ENOPH1: variants seen among roughly 807,000 people sequenced by gnomAD.
ENOPH1 encodes enolase-phosphatase E1.
Under a neutral mutation model 31.1 loss-of-function variants are expected in ENOPH1, and 14 were observed. The ratio of observed to expected loss-of-function variants is 0.45; its 90% CI spans 0.30 to 0.70. ENOPH1 has a LOEUF of 0.70. Among genes scored for constraint, ENOPH1 ranks in the 30% least tolerant of loss-of-function variants. ENOPH1 has a pLI of 0.09. For synonymous variants in ENOPH1, 127 were observed against 123.2 expected (o/e 1.03, Z -0.21); for missense variants, 243 against 321.5 (o/e 0.76, Z 1.87).
At chr4:82,446,007 G>T (rs1271347999) in intron 1 of ENOPH1, among the ~76,000 whole-genome samples, 1 of 152,194 alleles carries the variant, frequency 6.6e-6, no homozygotes, top group Non-Finnish European at 1.5e-5. Context: ...TCTCAGGAAA[G>T]TTGAATGAAT....
chr4:82,457,575 T>G (rs1434346803), intron 5 of ENOPH1, among the ~76,000 whole-genome samples: 2 of 152,098 alleles, frequency 1.3e-5, no homozygotes, highest in Admixed American at 1.3e-4. Flanking sequence ...GACTAACTCT[T>G]CTCGTTTAAC....
At position 82,454,791 on chromosome 4, in the gene ENOPH1, C is replaced by T. The variant is rs1402085948; in HGVS notation, c.459C>T (p.Ser153=). ...CCGGAATGAAGGTGTACATCTATTC[C>T]TCAGGGAGTGTGGAGGCACAGAAAC... ...REAGMKVYIY[S]SGSVEAQKLL... The change falls in exon 4 of 6, where the codon TCC becomes TCT. Residue 153 remains serine, a synonymous_variant. Transcript: ENST00000273920. The T allele has an allele frequency of 8.1e-6, 13 of 1,613,880 alleles. No individual in the cohort carries two copies. Among genetic ancestry groups the T allele is most frequent in the Non-Finnish European group, 1.1e-5 (13 of 1,179,994 alleles).
intron 3 of ENOPH1, among the ~76,000 whole-genome samples, chr4:82,452,793 T>A (rs1238717567): frequency 1.3e-5 from 2 of 151,052 alleles, no homozygotes; most frequent in African/African-American, 2.4e-5. Context: ...TATCATGTTG[T>A]CCAGGCTGGT....
In ENOPH1 at chr4:82,460,105, G is replaced by A; in HGVS notation, c.771G>A (p.Leu257=). 1.2e-6 allele frequency: 2 copies of A among 1,614,198 alleles called. No homozygotes were observed. The highest frequency in any genetic ancestry group is 1.7e-6 in the Non-Finnish European group (2 of 1,180,028). ...SLITSFSELY[L]PSST is the part of the protein sequence containing the mutation. ...TCACATCCTTCAGTGAACTATACCT[G>A]CCTTCCTCAACCTAGAGAAGGGTTG... The change falls in exon 6 of 6, where the codon CTG becomes CTA. Residue 257 remains leucine (L), a synonymous_variant. Coordinates refer to ENST00000273920, the MANE Select transcript of ENOPH1 (RefSeq NM_021204.5).
rs563441776 is a variant in ENOPH1, at chr4:82,434,349, C to T, written c.84+3436C>T. Among the ~76,000 whole-genome samples, 5 of 152,146 alleles carry T rather than the reference C, an allele frequency of 3.3e-5. No individual in the cohort carries two copies. In the East Asian group the frequency reaches 5.8e-4, roughly 18 times the overall value. ...ATGTAATCCCAGCACTTTGGGACGC[C>T]GAAGCAGGTGGATCTCTTGAGGTCA... On this transcript the variant is annotated intron_variant, in intron 1 of 5. Coordinates refer to ENST00000273920, the MANE Select transcript of ENOPH1 (RefSeq NM_021204.5).
chr4:82,439,924 G>A (rs1393919983), intron 1 of ENOPH1, among the ~76,000 whole-genome samples: 1 of 152,146 alleles, frequency 6.6e-6, no homozygotes, highest in Non-Finnish European at 1.5e-5. Context: ...ATGTGGAGAT[G>A]TAGGGGGAGG....
chr4:82,452,584 C>A (rs1037568122), intron 3 of ENOPH1, among the ~76,000 whole-genome samples: 4 of 151,998 alleles, frequency 2.6e-5, no homozygotes, highest in African/African-American at 9.7e-5. Context: ...TGAGCCACCC[C>A]TCCCGGCCTA....
chr4:82,454,884 G>A (rs1722443354), intron 4 of ENOPH1, 30 bp downstream of exon 4: 2 of 1,596,672 alleles, frequency 1.3e-6, no homozygotes, highest in South Asian at 1.1e-5. Flanking sequence ...TTGTTGTTTT[G>A]ACGCTATCAA....
intron 1 of ENOPH1, among the ~76,000 whole-genome samples, chr4:82,444,018 G>A (rs1054375264): frequency 2.6e-5 from 4 of 152,032 alleles, no homozygotes; most frequent in Non-Finnish European, 5.9e-5. Context: ...GGGATTACAG[G>A]CTCGCGCCAC....
rs1314497200 is a variant in ENOPH1 at position 82,431,847 on chromosome 4, A to G, written c.84+934A>G. 1.5e-4 allele frequency among the ~76,000 whole-genome samples: 23 copies of G among 152,192 alleles called. 1 individual carries two copies. Among genetic ancestry groups the G allele is most frequent in the Non-Finnish European group, 4.4e-5 (3 of 68,038 alleles). On this transcript the variant is annotated intron_variant, in intron 1 of 5. Transcript: ENST00000273920. ...GTAGGAAAAATCCATCTTCCAAGAA[A>G]CTGAGCAGCTTGGGTTTTAAATTCT...
chr4:82,447,106 C>T (rs971539566), intron 1 of ENOPH1, among the ~76,000 whole-genome samples: 1 of 152,054 alleles, frequency 6.6e-6, no homozygotes, highest in Non-Finnish European at 1.5e-5. Flanking sequence ...CTGCCTCAGC[C>T]TCCCGAGTAC....
At chr4:82,442,474 C>T (rs1013761351) in intron 1 of ENOPH1, among the ~76,000 whole-genome samples, 2 of 152,096 alleles carry the variant, frequency 1.3e-5, no homozygotes, top group East Asian at 1.9e-4. Context: ...GAGCTGAGAT[C>T]GCACCATTGT....
At chr4:82,442,734 C>T (rs114089264) in intron 1 of ENOPH1, among the ~76,000 whole-genome samples, 3,900 of 152,252 alleles carry the variant, frequency 0.026, 157 homozygotes, top group African/African-American at 0.088. Flanking sequence ...AATATCCCCC[C>T]GATAGGATTA....
intron 1 of ENOPH1, among the ~76,000 whole-genome samples, chr4:82,441,912 C>A (rs1722052564): frequency 6.6e-6 from 1 of 152,220 alleles, no homozygotes; most frequent in Non-Finnish European, 1.5e-5. Context: ...CTAACTTTAA[C>A]AGAGAAAGAT....
At chr4:82,448,864 T>C (rs12508585) in intron 2 of ENOPH1, among the ~76,000 whole-genome samples, 115,444 of 148,020 alleles carry the variant, frequency 0.78, 45,702 homozygotes, top group African/African-American at 0.93. Context: ...CGAGACCATC[T>C]CGGCTAAAAC....
chr4:82,430,803 C>T lies in ENOPH1; in HGVS notation c.-27C>T. On this transcript the variant is annotated 5_prime_UTR_variant, in exon 1 of 6. Transcript: ENST00000273920. ...GCCCTCCGCCCTCCCCAACAGCAGG[C>T]CGAGTCCCGTAGCATCCGGTAGGGA... The T allele has an allele frequency of 1.2e-6, 2 of 1,609,872 alleles. No individual in the cohort carries two copies. The highest frequency in any genetic ancestry group is 1.7e-6 in the Non-Finnish European group (2 of 1,176,264).
intron 1 of ENOPH1, among the ~76,000 whole-genome samples, 155 bp from the exon 2 acceptor site, chr4:82,447,763 CCT>C (rs1389507479): frequency 2.0e-5 from 3 of 152,218 alleles, no homozygotes; most frequent in Admixed American, 1.3e-4. Context: ...TGTTTCTTGG[CCT>C]CTGTCTCTCT....
intron 1 of ENOPH1, among the ~76,000 whole-genome samples, chr4:82,446,985 C>T (rs931817940): frequency 1.0e-4 from 15 of 150,302 alleles, no homozygotes; most frequent in Admixed American, 7.3e-4. Context: ...GGATTACAGG[C>T]GTGAGCCACC....
Position 82,441,847 on chromosome 4 carries a change from A to G in ENOPH1, c.85-6073A>G, listed in dbSNP as rs536920878. Among the ~76,000 whole-genome samples, 13 of 152,298 alleles carry G rather than the reference A, an allele frequency of 8.5e-5. No individual in the cohort carries two copies. The South Asian group carries it at 2.1e-3, about 24-fold the overall frequency. ...GCCTAATGTATTACATTTTCCTAAT[A>G]CTATTATCACAGACATCTGGCAGTA... On this transcript the variant is annotated intron_variant, in intron 1 of 5. Transcript: ENST00000273920.
Sources: gnomAD v4.1 joint callset for allele counts (sites outside exome capture counted in the v4.1 genomes callset) on GRCh38, gnomAD v4.1.1 for gene constraint, MANE v1.5 for transcripts, NCBI Gene and HGNC (gene_info 2026-07-23, HGNC 2026-07-21) for gene names.